The following ESRRG variants were observed in gnomAD, a reference collection of about 807,000 sequenced individuals.
The protein encoded by ESRRG is estrogen related receptor gamma, also known as estrogen-related receptor gamma.
Under a neutral mutation model 44.0 loss-of-function variants are expected in ESRRG, and 13 were observed. The ratio of observed to expected loss-of-function variants is 0.30; its 90% CI spans 0.19 to 0.47. ESRRG has a LOEUF of 0.47. ESRRG is among the 20% of genes least tolerant of loss of function. The pLI is 1.00. For missense variants in ESRRG, 395 were observed against 580.6 expected, an observed-to-expected ratio of 0.68 and a Z score of 3.29; for synonymous variants, 215 against 214.6, an observed-to-expected ratio of 1.00 and a Z score of -0.02.
intron 1 of ESRRG, among the ~76,000 whole-genome samples, chr1:217,009,973 G>A (rs2078324466): frequency 6.6e-6 from 1 of 151,764 alleles, no homozygotes; most frequent in Non-Finnish European, 1.5e-5. Flanking sequence ...CAAAGTGCTG[G>A]GATTACAAGT....
intron 2 of ESRRG, among the ~76,000 whole-genome samples, chr1:216,931,549 G>T (rs1480155723): frequency 6.6e-6 from 1 of 151,920 alleles, no homozygotes; most frequent in African/African-American, 2.4e-5. Context: ...GGTTCAGCTG[G>T]GATGTTGCTC....
chr1:216,686,800 T>A (rs1171837159), intron 1 of ESRRG, among the ~76,000 whole-genome samples: 8 of 152,120 alleles, frequency 5.3e-5, no homozygotes, highest in Admixed American at 3.9e-4. Flanking sequence ...TGACTCTCAG[T>A]TTTCTCATTT....
chr1:216,692,751 T>C (rs922708706), intron 1 of ESRRG, among the ~76,000 whole-genome samples: 45 of 152,310 alleles, frequency 3.0e-4, no homozygotes, highest in African/African-American at 1.1e-3. Flanking sequence ...CCATTTTTTA[T>C]CCTTTTTACT....
intron 1 of ESRRG, among the ~76,000 whole-genome samples, chr1:217,088,713 T>A (rs1249549371): frequency 6.6e-6 from 1 of 151,810 alleles, no homozygotes; most frequent in Non-Finnish European, 1.5e-5. Flanking sequence ...CTCATTAAGA[T>A]TCTGAAAGGG....
chr1:216,561,454 A>G, intron 5 of ESRRG, among the ~76,000 whole-genome samples: 1 of 152,168 alleles, frequency 6.6e-6, no homozygotes, highest in East Asian at 1.9e-4. Context: ...ATTTGGCTTT[A>G]ATTCCGGCTA....
chr1:216,663,664 GCAACAA>G (rs1304029034), intron 2 of ESRRG, among the ~76,000 whole-genome samples: 3 of 151,576 alleles, frequency 2.0e-5, no homozygotes, highest in Non-Finnish European at 2.9e-5. Flanking sequence ...GAGACCAAGA[GCAACAA>G]CAACAACAAC....
chr1:216,696,840 A>G (rs1372919347), intron 1 of ESRRG, among the ~76,000 whole-genome samples: 1 of 152,232 alleles, frequency 6.6e-6, no homozygotes, highest in Non-Finnish European at 1.5e-5. Flanking sequence ...AAAATGGGGT[A>G]CTAATACCTA....
chr1:216,508,623 A>G (rs1416873625), intron 6 of ESRRG, among the ~76,000 whole-genome samples: 2 of 152,184 alleles, frequency 1.3e-5, no homozygotes, highest in Non-Finnish European at 2.9e-5. Flanking sequence ...TCCTCTCAGC[A>G]TGGCAATCTC....
intron 2 of ESRRG, among the ~76,000 whole-genome samples, chr1:216,799,015 T>C (rs887038116): frequency 1.3e-5 from 2 of 152,102 alleles, no homozygotes; most frequent in African/African-American, 4.8e-5. Context: ...GGCTTGGCTA[T>C]ACAATTTCCA....
At chr1:216,788,196 C>A (rs1181745506) in intron 2 of ESRRG, among the ~76,000 whole-genome samples, 2 of 152,114 alleles carry the variant, frequency 1.3e-5, no homozygotes, top group Admixed American at 1.3e-4. Flanking sequence ...ATGAAGCAGT[C>A]TTCTATTGGA....
At chr1:216,984,896 A>G (rs1039175874) in intron 1 of ESRRG, among the ~76,000 whole-genome samples, 1 of 152,222 alleles carries the variant, frequency 6.6e-6, no homozygotes, top group Non-Finnish European at 1.5e-5. Context: ...TGTGACATCA[A>G]TGACATTTTT....
chr1:216,593,410 A>G (rs1315043152), intron 3 of ESRRG, among the ~76,000 whole-genome samples: 1 of 152,240 alleles, frequency 6.6e-6, no homozygotes, highest in Non-Finnish European at 1.5e-5. Flanking sequence ...GACAATAAAA[A>G]GACAATTCAA....
chr1:216,848,840 A>G (rs2095800087), intron 2 of ESRRG, among the ~76,000 whole-genome samples: 1 of 152,150 alleles, frequency 6.6e-6, no homozygotes. Flanking sequence ...ACCGAGAAAC[A>G]TTTAATAGGT....
In ESRRG at chr1:216,721,257, A is replaced by G. The variant is rs541231168; in HGVS notation, c.56+1987T>C. 6.6e-5 allele frequency among the ~76,000 whole-genome samples: 10 copies of G among 152,334 alleles called. No homozygotes were observed. The East Asian group carries it at 1.5e-3, about 23-fold the overall frequency. On this transcript the variant is annotated intron_variant, in intron 1 of 6. Transcript: ENST00000408911. ...CAGCCTCCAAAGCAGAAACTGTCCA[A>G]TATTTGCCCCTAAAACTGTATAACT...
intron 1 of ESRRG, among the ~76,000 whole-genome samples, chr1:217,009,999 C>T (rs564722457): frequency 5.3e-5 from 8 of 152,176 alleles, no homozygotes; most frequent in Admixed American, 2.0e-4. Flanking sequence ...CCACCGCGCC[C>T]GGCCTGAGTA....
chr1:216,912,757 C>CAT (rs370281339), intron 2 of ESRRG, among the ~76,000 whole-genome samples: 3 of 152,020 alleles, frequency 2.0e-5, no homozygotes, highest in African/African-American at 7.3e-5. Flanking sequence ...CACACAATTA[C>CAT]ATATATATAC....
At chr1:217,074,444 AC>A (rs141104601) in intron 1 of ESRRG, among the ~76,000 whole-genome samples, 27 of 102,472 alleles carry the variant, frequency 2.6e-4, no homozygotes, top group South Asian at 1.4e-3. Context: ...TCAGAAATCC[AC>A]CCCCCCCAAA....
At chr1:216,674,601 G>T (rs944223588) in intron 2 of ESRRG, among the ~76,000 whole-genome samples, 2 of 143,862 alleles carry the variant, frequency 1.4e-5, no homozygotes, top group African/African-American at 2.6e-5. Flanking sequence ...TTGAGAAATT[G>T]TGCTTTGGGT....
At chr1:216,619,668 C>T (rs1295222167) in intron 3 of ESRRG, among the ~76,000 whole-genome samples, 2 of 152,126 alleles carry the variant, frequency 1.3e-5, no homozygotes, top group Non-Finnish European at 1.5e-5. Context: ...TTTCCTGAAG[C>T]CTGCTTACCT....
Sources: gnomAD v4.1 joint callset for allele counts (sites outside exome capture counted in the v4.1 genomes callset) on GRCh38, gnomAD v4.1.1 for gene constraint, MANE v1.5 for transcripts, NCBI Gene and HGNC (gene_info 2026-07-23, HGNC 2026-07-21) for gene names.